Variants in COPE observed in about 807,000 individuals in gnomAD.
COPE encodes the protein coatomer subunit epsilon.
COPE carries 19 observed loss-of-function variants against 42.1 expected under a neutral mutation model. The observed-to-expected ratio is 0.45, with a 90% CI of 0.31 to 0.66. COPE has a LOEUF of 0.66. Ranked by LOEUF, COPE falls within the 30% of genes least tolerant of loss-of-function variation. The pLI, the probability that COPE is intolerant of heterozygous loss-of-function variation, is 0.05. For missense variants in COPE, 402 were observed against 416.1 expected, an observed-to-expected ratio of 0.97 and a Z score of 0.30; for synonymous variants, 195 against 181.3, an observed-to-expected ratio of 1.08 and a Z score of -0.60.
intron 3 of COPE, 24 bp downstream of exon 3, chr19:18,910,947 C>T (rs1230055295): frequency 1.2e-6 from 2 of 1,610,612 alleles, no homozygotes; most frequent in Admixed American, 1.7e-5. Flanking sequence ...GCGCCTCAGG[C>T]CAACCCATTC....
chr19:18,901,413 C>T (rs57118689), intron 7 of COPE, among the ~76,000 whole-genome samples: 3,814 of 152,296 alleles, frequency 0.025, 146 homozygotes, highest in African/African-American at 0.086. Flanking sequence ...GAGGGACACA[C>T]AGCCTGTCTG....
intron 2 of COPE, 42 bp from the exon 3 acceptor site, chr19:18,911,113 G>A: frequency 6.4e-7 from 1 of 1,564,552 alleles, no homozygotes; most frequent in Non-Finnish European, 8.8e-7. Flanking sequence ...GTCCACCCCA[G>A]AGGATTTCCA....
chr19:18,918,394 G>A (rs568026176), intron 1 of COPE, among the ~76,000 whole-genome samples: 1 of 152,146 alleles, frequency 6.6e-6, no homozygotes, highest in South Asian at 2.1e-4. Context: ...GCGCCTCTCA[G>A]GTTTGTTTTC....
At chr19:18,908,512 C>T (rs888999949) in intron 3 of COPE, among the ~76,000 whole-genome samples, 7 of 85,368 alleles carry the variant, frequency 8.2e-5, no homozygotes, top group African/African-American at 5.7e-4. Context: ...ATGGCAAAAC[C>T]CCATCTCTCT....
chr19:18,904,435 C>T (rs2056739407), intron 6 of COPE, among the ~76,000 whole-genome samples: 1 of 152,210 alleles, frequency 6.6e-6, no homozygotes, highest in Non-Finnish European at 1.5e-5. Flanking sequence ...GCGACCAGGA[C>T]CCTGGAGAGC....
intron 7 of COPE, among the ~76,000 whole-genome samples, chr19:18,902,282 G>A (rs113196124): frequency 0.025 from 3,775 of 151,420 alleles, 148 homozygotes; most frequent in African/African-American, 0.085. Context: ...CCAGGAGTTC[G>A]AGACCAACCT....
In COPE at chr19:18,904,868, A is replaced by G; in HGVS notation, c.498-16T>C. ...CAGCTCCTTCCTGGGGCGGGGACAG[A>G]TGACAGAGGGGCTGAGTGGCCGAGG... On this transcript the variant is annotated splice_polypyrimidine_tract_variant and intron_variant, in intron 5 of 9. Transcript: ENST00000262812. 1 of 1,551,458 alleles carries G rather than the reference A, an allele frequency of 6.4e-7. No individual in the cohort carries two copies. Among genetic ancestry groups the G allele is most frequent in the Non-Finnish European group, 8.7e-7 (1 of 1,146,872 alleles).
At chr19:18,913,118 G>T in intron 1 of COPE, 72 bp from the exon 2 acceptor site, 1 of 1,360,164 alleles carries the variant, frequency 7.4e-7, no homozygotes, top group Non-Finnish European at 1.0e-6. Context: ...GAGCATGACA[G>T]ACAGGCCCCT....
At chr19:18,905,792 A>C in intron 4 of COPE, 163 bp from the exon 5 acceptor site, 2 of 647,324 alleles carry the variant, frequency 3.1e-6, no homozygotes, top group East Asian at 3.3e-5. Context: ...CCCACATTTC[A>C]CCGCTCAGCT....
chr19:18,902,598 G>A (rs1442741392), intron 7 of COPE, among the ~76,000 whole-genome samples: 1 of 147,346 alleles, frequency 6.8e-6, no homozygotes, highest in Non-Finnish European at 1.5e-5. Context: ...CCAGGAGGCG[G>A]AGGTTGCATT....
intron 5 of COPE, 49 bp downstream of exon 5, chr19:18,905,527 C>T (rs377447750): frequency 9.7e-5 from 149 of 1,539,842 alleles, no homozygotes; most frequent in Middle Eastern, 1.7e-4. Context: ...TGGGCTGTGA[C>T]GCTCTGGGCT....
intron 3 of COPE, among the ~76,000 whole-genome samples, chr19:18,909,104 G>A (rs1035218614): frequency 6.6e-6 from 1 of 152,244 alleles, no homozygotes; most frequent in Non-Finnish European, 1.5e-5. Flanking sequence ...CGGACCACAA[G>A]CCCCTGCCTG....
At chr19:18,906,095 G>A (rs1004431003) in intron 4 of COPE, 17 of 400,112 alleles carry the variant, frequency 4.2e-5, no homozygotes, top group Middle Eastern at 5.5e-4. Flanking sequence ...CGAATTACTC[G>A]TGAGGCCTCT....
chr19:18,910,958 T>C lies in COPE; in HGVS notation c.290+13A>G. ...CCCCGCGCCTCAGGCCAACCCATTCTCTGGGGCCTCACCTCCGACTCTCGT... is the reference window on the plus strand; with the variant it reads ...CCCCGCGCCTCAGGCCAACCCATTCCCTGGGGCCTCACCTCCGACTCTCGT... On this transcript the variant is annotated intron_variant, in intron 3 of 9. Transcript: ENST00000262812. 6.2e-7 allele frequency: 1 copy of C among 1,612,948 alleles called. No individual in the cohort carries two copies. Among genetic ancestry groups the C allele is most frequent in the Non-Finnish European group, 8.5e-7 (1 of 1,179,578 alleles).
chr19:18,902,036 T>C (rs1470287332), intron 7 of COPE, among the ~76,000 whole-genome samples: 1 of 151,482 alleles, frequency 6.6e-6, no homozygotes, highest in Non-Finnish European at 1.5e-5. Flanking sequence ...AAAAATTAGC[T>C]GGGCATGGTG....
At chr19:18,909,889 A>T (rs949225305) in intron 3 of COPE, among the ~76,000 whole-genome samples, 1 of 152,078 alleles carries the variant, frequency 6.6e-6, no homozygotes, top group African/African-American at 2.4e-5. Flanking sequence ...TCATCTCCTT[A>T]TCTCTTAATC....
intron 4 of COPE, 145 bp downstream of exon 4, chr19:18,906,815 A>G: frequency 1.0e-6 from 1 of 957,152 alleles, no homozygotes; most frequent in South Asian, 1.8e-5. Context: ...GGGGAGCTGG[A>G]GCCTGGACAG....
chr19:18,918,835 G>A (rs1178775890), intron 1 of COPE, among the ~76,000 whole-genome samples: 2 of 152,194 alleles, frequency 1.3e-5, no homozygotes, highest in Non-Finnish European at 2.9e-5. Context: ...AAATAACCAG[G>A]CTGGTTGGGC....
intron 3 of COPE, among the ~76,000 whole-genome samples, chr19:18,910,224 C>G (rs1284923399): frequency 6.6e-6 from 1 of 152,238 alleles, no homozygotes; most frequent in Non-Finnish European, 1.5e-5. Context: ...TTGACCAACG[C>G]TGGCCTGTGG....
Sources: gnomAD v4.1 joint callset for allele counts (sites outside exome capture counted in the v4.1 genomes callset) on GRCh38, gnomAD v4.1.1 for gene constraint, MANE v1.5 for transcripts, NCBI Gene and HGNC (gene_info 2026-07-23, HGNC 2026-07-21) for gene names.